CPS1: variants seen among roughly 807,000 people sequenced by gnomAD.
CPS1 encodes carbamoyl-phosphate synthase 1.
CPS1 carries 109 observed loss-of-function variants against 174.6 expected under a neutral mutation model. The observed-to-expected ratio is 0.62, with a 90% CI of 0.53 to 0.73. CPS1 has a LOEUF of 0.73. Ranked by LOEUF, CPS1 falls within the 30% of genes least tolerant of loss-of-function variation. CPS1 has a pLI of 0.00. For missense variants in CPS1, 1,689 were observed against 1,821.9 expected, an observed-to-expected ratio of 0.93 and a Z score of 1.33; for synonymous variants, 637 against 632.0, an observed-to-expected ratio of 1.01 and a Z score of -0.12.
chr2:210,521,637 A>ATGAT (rs1695828917), intron 1 of CPS1, among the ~76,000 whole-genome samples: 1 of 152,018 alleles, frequency 6.6e-6, no homozygotes, highest in African/African-American at 2.4e-5. Flanking sequence ...GATTTTTAAT[A>ATGAT]TCAGACATTG....
intron 21 of CPS1, among the ~76,000 whole-genome samples, chr2:210,625,706 A>G (rs1699679659): frequency 6.6e-6 from 1 of 152,114 alleles, no homozygotes; most frequent in African/African-American, 2.4e-5. Flanking sequence ...TGGTTTAGAG[A>G]GAGAAGAGAG....
chr2:210,626,001 G>A (rs963423815), intron 21 of CPS1, among the ~76,000 whole-genome samples: 1 of 152,078 alleles, frequency 6.6e-6, no homozygotes, highest in Admixed American at 6.6e-5. Flanking sequence ...TCATTGTTCC[G>A]TAAATATTGC....
rs749977878 is a variant in CPS1, at chr2:210,591,858, C to G, written c.975C>G (p.Ile325Met). The change falls in exon 10 of 38, where the codon ATC (isoleucine) becomes ATG (methionine). Residue 325 changes from isoleucine to methionine, a missense_variant. Coordinates refer to ENST00000233072, the MANE Select transcript of CPS1 (RefSeq NM_001875.5). ...GGCAGAATCAGCCTGTTTTGAATAT[C>G]ACAAACAAACAGGCTTTCATTACTG... is the stretch of plus-strand genomic sequence containing the variant. ...NRGQNQPVLN[I>M]TNKQAFITAQ... 1 of 1,612,370 alleles carries G rather than the reference C, an allele frequency of 6.2e-7. No homozygotes were observed. Among genetic ancestry groups the G allele is most frequent in the African/African-American group, 1.3e-5 (1 of 74,902 alleles).
chr2:210,579,905 G>T, intron 5 of CPS1, 135 bp downstream of exon 5: 2 of 729,854 alleles, frequency 2.7e-6, no homozygotes, highest in South Asian at 1.5e-5. Context: ...CTGCTATCTG[G>T]GTCTCTGTTA....
At chr2:210,484,484 T>C (rs1450435391) in intron 1 of CPS1, among the ~76,000 whole-genome samples, 3 of 152,180 alleles carry the variant, frequency 2.0e-5, no homozygotes, top group Non-Finnish European at 4.4e-5. Flanking sequence ...TATGATTTCT[T>C]TTGAATAAAC....
intron 1 of CPS1, among the ~76,000 whole-genome samples, chr2:210,478,243 C>T (rs1385897992): frequency 6.6e-6 from 1 of 152,216 alleles, no homozygotes; most frequent in Non-Finnish European, 1.5e-5. Flanking sequence ...TTCACTCCAA[C>T]ATATCAATTG....
chr2:210,646,995 C>G (rs1363773446), intron 25 of CPS1, among the ~76,000 whole-genome samples: 1 of 151,874 alleles, frequency 6.6e-6, no homozygotes, highest in African/African-American at 2.4e-5. Context: ...GGAAGAAAAT[C>G]TTACACAAAT....
chr2:210,663,050 A>C, intron 32 of CPS1, 73 bp from the exon 33 acceptor site: 3 of 1,371,042 alleles, frequency 2.2e-6, no homozygotes, highest in Non-Finnish European at 2.1e-6. Flanking sequence ...TTGCTAATAT[A>C]TTTATCCTCT....
At position 210,668,279 on chromosome 2, in the gene CPS1, A is replaced by G; in HGVS notation, c.4096A>G (p.Ile1366Val). The change falls in exon 34 of 38, where the codon ATC (isoleucine) becomes GTC (valine). Residue 1366 changes from isoleucine to valine, a missense_variant. Transcript: ENST00000233072. ...ACCCCAGAAAGGCATCCTGATAGGCATCCAGGTAAGTGGTTTGTGGCTGTG... is the reference window on the plus strand; with the variant it reads ...ACCCCAGAAAGGCATCCTGATAGGCGTCCAGGTAAGTGGTTTGTGGCTGTG... ...KIPQKGILIG[I>V]QQSFRPRFLG... 1.2e-6 allele frequency: 2 copies of G among 1,611,674 alleles called. No individual in the cohort carries two copies. The highest frequency in any genetic ancestry group is 4.5e-5 in the East Asian group (2 of 44,872).
intron 32 of CPS1, 21 bp from the exon 33 acceptor site, chr2:210,663,102 T>A: frequency 6.8e-7 from 1 of 1,476,698 alleles, no homozygotes; most frequent in Non-Finnish European, 9.0e-7. Context: ...TTTTTCTCCC[T>A]GTTTTTTTTT....
chr2:210,511,660 G>C (rs1200212899), intron 1 of CPS1, among the ~76,000 whole-genome samples: 1 of 152,056 alleles, frequency 6.6e-6, no homozygotes, highest in Non-Finnish European at 1.5e-5. Flanking sequence ...AGGCTCACGT[G>C]ATACTCCCGG....
chr2:210,612,196 C>T lies in CPS1; in HGVS notation c.2471C>T (p.Thr824Ile). The T allele has an allele frequency of 1.2e-6, 2 of 1,612,212 alleles. No homozygotes were observed. The highest frequency in any genetic ancestry group is 1.7e-6 in the Non-Finnish European group (2 of 1,178,858). Residue 824 changes from threonine (T) to isoleucine (I), a missense_variant, in exon 20 of 38, where the codon ACT (threonine) becomes ATT (isoleucine). Thr to Ile is a moderately conservative substitution (Grantham distance 89). Coordinates refer to ENST00000233072, the MANE Select transcript of CPS1 (RefSeq NM_001875.5). ...TGCCACCCATCTATAGAAGGTTTCACTCCCCGTCTCCCAATGAACAAAGAA... is the reference window on the plus strand; with the variant it reads ...TGCCACCCATCTATAGAAGGTTTCATTCCCCGTCTCCCAATGAACAAAGAA... ...RMCHPSIEGF[T>I]PRLPMNKEWP...
At chr2:210,505,960 G>A (rs1695270550) in intron 1 of CPS1, among the ~76,000 whole-genome samples, 1 of 90 alleles carries the variant, frequency 0.011, no homozygotes, top group East Asian at 0.25. Context: ...CACCTCTGGG[G>A]GCAGGCATAG....
chr2:210,646,354 G>A (rs961036161), intron 25 of CPS1, among the ~76,000 whole-genome samples: 6 of 152,088 alleles, frequency 3.9e-5, no homozygotes, highest in Non-Finnish European at 7.4e-5. Flanking sequence ...AATAGTTTAA[G>A]TACACTTATA....
chr2:210,481,122 G>A (rs1049380876), intron 1 of CPS1, among the ~76,000 whole-genome samples: 3 of 152,138 alleles, frequency 2.0e-5, no homozygotes, highest in African/African-American at 7.2e-5. Context: ...ATGGAACACA[G>A]GTGTGCTGGG....
Position 210,640,574 on chromosome 2 carries a change from T to G in CPS1, c.2959+515T>G, listed in dbSNP as rs533282998. 1.3e-3 allele frequency among the ~76,000 whole-genome samples: 199 copies of G among 152,338 alleles called. 2 individuals carry two copies. Among genetic ancestry groups the G allele is most frequent in the Non-Finnish European group, 1.6e-3 (111 of 68,036 alleles). ...AATTAAAACATAATCACCAGAGATA[T>G]GACATTTCTCTCCAGTCAATTAAAT... On this transcript the variant is annotated intron_variant, in intron 24 of 37. Coordinates refer to ENST00000233072, the MANE Select transcript of CPS1 (RefSeq NM_001875.5).
At position 210,645,970 on chromosome 2, in the gene CPS1, T is replaced by C. The variant is rs563606165; in HGVS notation, c.3142-1893T>C. The stretch of plus-strand genomic sequence containing the variant: ...TTATCTTACTATTGTTTTGAATTTA[T>C]TGCAAAACAGAATTTTTAATTCCTT... On this transcript the variant is annotated intron_variant, in intron 25 of 37. Transcript: ENST00000233072. 1.8e-4 allele frequency among the ~76,000 whole-genome samples: 28 copies of C among 152,312 alleles called. No homozygotes were observed. In the South Asian group the frequency reaches 5.8e-3, roughly 32 times the overall value.
chr2:210,519,844 TG>T (rs1056572916), intron 1 of CPS1: 2 of 957,298 alleles, frequency 2.1e-6, no homozygotes, highest in African/African-American at 3.5e-5. Flanking sequence ...AATGAAAAAA[TG>T]GCTTTGTTCT....
chr2:210,488,118 C>G (rs959025896), intron 1 of CPS1, among the ~76,000 whole-genome samples: 2 of 151,886 alleles, frequency 1.3e-5, no homozygotes, highest in Non-Finnish European at 2.9e-5. Context: ...TATTAAAAAA[C>G]TGATTTGCTC....
Sources: allele counts gnomAD v4.1 joint callset (sites outside exome capture counted in the v4.1 genomes callset), GRCh38; gene constraint gnomAD v4.1.1; transcripts MANE v1.5; gene names NCBI Gene and HGNC (gene_info 2026-07-23, HGNC 2026-07-21).